Variants in UBTD1 observed in about 807,000 individuals in gnomAD.
The protein encoded by UBTD1 is ubiquitin domain containing 1.
UBTD1 carries 19 observed loss-of-function variants against 21.7 expected under a neutral mutation model. The ratio of observed to expected loss-of-function variants is 0.87; its 90% CI spans 0.61 to 1.28. The LOEUF (loss-of-function observed/expected upper bound fraction) is 1.28. Ranked by LOEUF, UBTD1 falls within the 50% of genes most tolerant of loss-of-function variation. The pLI is 0.00. For synonymous variants in UBTD1, 116 were observed against 135.1 expected (o/e 0.86, Z 0.98); for missense variants, 282 against 315.1 (o/e 0.89, Z 0.80).
intron 1 of UBTD1, among the ~76,000 whole-genome samples, chr10:97,561,438 A>G (rs1257527607): frequency 1.3e-5 from 2 of 152,144 alleles, no homozygotes; most frequent in African/African-American, 2.4e-5. Flanking sequence ...AGCTCCCTGA[A>G]TGCACAATTT....
intron 2 of UBTD1, among the ~76,000 whole-genome samples, chr10:97,568,589 T>A (rs2040729885): frequency 1.3e-5 from 2 of 151,274 alleles, no homozygotes; most frequent in South Asian, 4.2e-4. Context: ...GCCTGGCTAA[T>A]TTTCGTATTT....
chr10:97,524,617 G>C (rs116019952), intron 1 of UBTD1, among the ~76,000 whole-genome samples: 1 of 152,208 alleles, frequency 6.6e-6, no homozygotes, highest in East Asian at 1.9e-4. Flanking sequence ...GCCCTGCTGC[G>C]TTGAAGGGGT....
chr10:97,529,345 C>A (rs2040514217), intron 1 of UBTD1, among the ~76,000 whole-genome samples: 1 of 152,158 alleles, frequency 6.6e-6, no homozygotes, highest in Non-Finnish European at 1.5e-5. Flanking sequence ...AGACGCTCCT[C>A]ACTTCCCAGA....
At position 97,550,737 on chromosome 10, in the gene UBTD1, A is replaced by C. The variant is rs571661876; in HGVS notation, c.71-17177A>C. On this transcript the variant is annotated intron_variant, in intron 1 of 2. Coordinates refer to ENST00000370664, the MANE Select transcript of UBTD1 (RefSeq NM_024954.5). The stretch of plus-strand genomic sequence containing the variant: ...TGTGAATTGAGTGGTGGGAGTAAAC[A>C]CACACACACGCATACACACTCACAC... Among the ~76,000 whole-genome samples the C allele has an allele frequency of 2.0e-5, 3 of 151,074 alleles. No individual in the cohort carries two copies. The South Asian group carries it at 6.2e-4, about 31-fold the overall frequency.
At chr10:97,515,041 G>A (rs905664142) in intron 1 of UBTD1, among the ~76,000 whole-genome samples, 5 of 152,202 alleles carry the variant, frequency 3.3e-5, no homozygotes, top group Admixed American at 6.5e-5. Flanking sequence ...ATCATCTTGG[G>A]TAGCCTGGGG....
intron 1 of UBTD1, among the ~76,000 whole-genome samples, chr10:97,552,876 C>T (rs540490731): frequency 6.6e-6 from 1 of 152,304 alleles, no homozygotes; most frequent in South Asian, 2.1e-4. Context: ...TTCTCCTGGC[C>T]ATGTGCATTA....
intron 1 of UBTD1, among the ~76,000 whole-genome samples, chr10:97,535,975 A>ATTATTATTATTGTTG (rs1554865888): frequency 2.8e-5 from 4 of 144,244 alleles, no homozygotes; most frequent in African/African-American, 1.0e-4. Flanking sequence ...AGAAATTATT[A>ATTATTATTATTGTTG]TTATTATTAT....
At position 97,551,710 on chromosome 10, in the gene UBTD1, A is replaced by T. The variant is rs2040638272; in HGVS notation, c.71-16204A>T. 2.0e-5 allele frequency among the ~76,000 whole-genome samples: 3 copies of T among 151,140 alleles called. No homozygotes were observed. In the East Asian group the frequency reaches 5.8e-4, roughly 29 times the overall value. ...GTCAGCACCACCGTCGGCTCCCCAA[A>T]CTCTTCCCACTTTTCCATGGCTGCA... On this transcript the variant is annotated intron_variant, in intron 1 of 2. Coordinates refer to ENST00000370664, the MANE Select transcript of UBTD1 (RefSeq NM_024954.5).
At chr10:97,526,854 C>CAAA (rs35330483) in intron 1 of UBTD1, among the ~76,000 whole-genome samples, 17 of 63,282 alleles carry the variant, frequency 2.7e-4, no homozygotes, top group Non-Finnish European at 4.0e-4. Context: ...GACTCCGTCT[C>CAAA]AAAAAAAAAA....
intron 1 of UBTD1, among the ~76,000 whole-genome samples, chr10:97,524,861 A>G (rs1303234637): frequency 6.6e-6 from 1 of 152,154 alleles, no homozygotes; most frequent in Non-Finnish European, 1.5e-5. Flanking sequence ...GAAAGGGTGG[A>G]GGAGGCCTGC....
chr10:97,535,169 A>G (rs1471602807), intron 1 of UBTD1, among the ~76,000 whole-genome samples: 1 of 152,222 alleles, frequency 6.6e-6, no homozygotes, highest in Non-Finnish European at 1.5e-5. Flanking sequence ...TCACAGAGGC[A>G]TCACCATCCA....
intron 1 of UBTD1, among the ~76,000 whole-genome samples, chr10:97,546,591 A>AAG (rs1330265378): frequency 6.7e-6 from 1 of 149,496 alleles, no homozygotes; most frequent in Admixed American, 6.7e-5. Context: ...CTGTCTCAGA[A>AAG]AAAAAAAAAA....
At position 97,509,388 on chromosome 10, in the gene UBTD1, CAT is replaced by C. The variant is rs1163393571; in HGVS notation, c.70+10116_70+10117del. Among the ~76,000 whole-genome samples, 3 of 152,332 alleles carry C rather than the reference CAT, an allele frequency of 2.0e-5. No individual in the cohort carries two copies. In the East Asian group the frequency reaches 5.8e-4, roughly 29 times the overall value. On this transcript the variant is annotated intron_variant, in intron 1 of 2. Coordinates refer to ENST00000370664, the MANE Select transcript of UBTD1 (RefSeq NM_024954.5). ...AGAGTAGTGAAGCGTGAAATGTGAT[CAT>C]GTGTGTGTGATGTGATCAGCACAGT...
intron 2 of UBTD1, among the ~76,000 whole-genome samples, chr10:97,568,630 C>T (rs921838403): frequency 6.6e-6 from 1 of 151,830 alleles, no homozygotes; most frequent in Non-Finnish European, 1.5e-5. Flanking sequence ...CCATGTTGGC[C>T]AGGCTGGTCT....
chr10:97,570,790 G>A lies in UBTD1; in HGVS notation c.*267G>A, dbSNP rs560742996. The A allele has an allele frequency of 3.3e-4, 149 of 451,752 alleles. 1 individual carries two copies. Among genetic ancestry groups the A allele is most frequent in the African/African-American group, 2.7e-3 (139 of 51,850 alleles). 28.0% of individuals were successfully genotyped at this position (451,752 alleles called of 1,614,324 possible). A position where few individuals can be genotyped will look rare whatever the true frequency, so the allele number is the denominator to read the frequency against. ...TGCCTGTCTCCCGAAGCAGGTTCGA[G>A]CCACAAGGGCCAACCAGGAGGCCCC... On this transcript the variant is annotated 3_prime_UTR_variant, in exon 3 of 3. Coordinates refer to ENST00000370664, the MANE Select transcript of UBTD1 (RefSeq NM_024954.5). The surrounding 1 kb of genome is among the most constrained non-coding windows in gnomAD (Gnocchi z 6.6).
At chr10:97,568,906 C>G (rs1166158130) in intron 2 of UBTD1, among the ~76,000 whole-genome samples, 8 of 152,158 alleles carry the variant, frequency 5.3e-5, no homozygotes, top group African/African-American at 1.7e-4. Context: ...TCACCGCAAC[C>G]TGCGCCGCCT....
intron 1 of UBTD1, among the ~76,000 whole-genome samples, chr10:97,529,068 G>A (rs537370069): frequency 2.7e-4 from 41 of 151,744 alleles, no homozygotes; most frequent in Non-Finnish European, 5.3e-4. Context: ...AGGCAGAGAC[G>A]CTCCTCACCT....
chr10:97,499,487 A>G (rs549927875), intron 1 of UBTD1, among the ~76,000 whole-genome samples: 2 of 152,278 alleles, frequency 1.3e-5, no homozygotes, highest in Non-Finnish European at 2.9e-5. Flanking sequence ...CTGCGCGACC[A>G]ACTCTCTCCA....
intron 1 of UBTD1, among the ~76,000 whole-genome samples, chr10:97,522,371 C>T (rs780233623): frequency 8.5e-5 from 13 of 152,204 alleles, no homozygotes; most frequent in Non-Finnish European, 1.6e-4. Context: ...CAGCTCCCTC[C>T]GATCAGTGTG....
Sources: allele counts gnomAD v4.1 joint callset (sites outside exome capture counted in the v4.1 genomes callset), GRCh38; gene constraint gnomAD v4.1.1; non-coding constraint Gnocchi (gnomAD v3.1); transcripts MANE v1.5; gene names NCBI Gene and HGNC (gene_info 2026-07-23, HGNC 2026-07-21).